ANKS1B: variants seen among roughly 807,000 people sequenced by gnomAD.
ANKS1B encodes the protein ankyrin repeat and sterile alpha motif domain-containing protein 1B.
ANKS1B carries 36 observed loss-of-function variants against 148.3 expected under a neutral mutation model. The observed-to-expected ratio is 0.24, with a 90% CI of 0.19 to 0.32. The LOEUF (loss-of-function observed/expected upper bound fraction) is 0.32. ANKS1B is among the 10% of genes least tolerant of loss of function. The pLI, the probability that ANKS1B is intolerant of heterozygous loss-of-function variation, is 1.00. For synonymous variants in ANKS1B, 542 were observed against 560.8 expected (o/e 0.97, Z 0.47); for missense variants, 1,157 against 1,542.6 (o/e 0.75, Z 4.19).
chr12:99,187,490 C>A (rs1214059240), intron 14 of ANKS1B, among the ~76,000 whole-genome samples: 1 of 152,212 alleles, frequency 6.6e-6, no homozygotes, highest in Non-Finnish European at 1.5e-5. Context: ...AACAACGTAT[C>A]TGTCTGCAGA....
chr12:99,514,161 C>T (rs1264751338), intron 9 of ANKS1B, among the ~76,000 whole-genome samples: 1 of 151,978 alleles, frequency 6.6e-6, no homozygotes, highest in East Asian at 1.9e-4. Flanking sequence ...TTTCTAAAGA[C>T]ATACTTATCT....
chr12:99,882,038 G>A (rs2092537922), intron 1 of ANKS1B, among the ~76,000 whole-genome samples: 1 of 152,116 alleles, frequency 6.6e-6, no homozygotes, highest in South Asian at 2.1e-4. Flanking sequence ...AAACACTCTT[G>A]AAATAAATAG....
At chr12:99,767,227 G>C (rs577462626) in intron 8 of ANKS1B, among the ~76,000 whole-genome samples, 229 of 151,992 alleles carry the variant, frequency 1.5e-3, no homozygotes, top group African/African-American at 5.4e-3. Flanking sequence ...TAACAGAAAA[G>C]AGGCATAGTT....
chr12:99,256,346 C>A (rs1234394685), intron 12 of ANKS1B, among the ~76,000 whole-genome samples: 1 of 151,736 alleles, frequency 6.6e-6, no homozygotes, highest in Non-Finnish European at 1.5e-5. Flanking sequence ...GAGCATTTTA[C>A]ATTCAATTAC....
At chr12:99,149,201 G>A (rs1315270491) in intron 15 of ANKS1B, among the ~76,000 whole-genome samples, 1 of 152,068 alleles carries the variant, frequency 6.6e-6, no homozygotes, top group Admixed American at 6.6e-5. Flanking sequence ...TGCAAATGAT[G>A]TTTTCATTAT....
At chr12:99,047,331 C>T (rs1461780165) in intron 17 of ANKS1B, among the ~76,000 whole-genome samples, 5 of 152,162 alleles carry the variant, frequency 3.3e-5, no homozygotes, top group South Asian at 2.1e-4. Flanking sequence ...ACCTGGGAGG[C>T]GGAGGTTGCA....
In ANKS1B at chr12:99,368,054, T is replaced by C. The variant is rs1003608623; in HGVS notation, c.1756+31577A>G. Among the ~76,000 whole-genome samples, 7 of 152,318 alleles carry C rather than the reference T, an allele frequency of 4.6e-5. No individual in the cohort carries two copies. The South Asian group carries it at 1.4e-3, about 32-fold the overall frequency. ...GTAATACGACTCGGAGAGAAAATTA[T>C]TTCAAGTGACTTTTGGCAAAGCATT... On this transcript the variant is annotated intron_variant, in intron 12 of 26. Transcript: ENST00000683438.
chr12:99,812,114 C>A, intron 3 of ANKS1B, 41 bp downstream of exon 3: 2 of 1,580,234 alleles, frequency 1.3e-6, no homozygotes, highest in Non-Finnish European at 1.7e-6. Flanking sequence ...CCTTGTAAAA[C>A]TAGAAAAATT....
At chr12:99,055,964 T>A (rs1465266669) in intron 16 of ANKS1B, among the ~76,000 whole-genome samples, 1 of 152,162 alleles carries the variant, frequency 6.6e-6, no homozygotes, top group Non-Finnish European at 1.5e-5. Context: ...ATTACTCCTG[T>A]AAGGCAAGTT....
intron 9 of ANKS1B, among the ~76,000 whole-genome samples, chr12:99,627,353 A>T (rs542884891): frequency 6.6e-6 from 1 of 152,346 alleles, no homozygotes; most frequent in East Asian, 1.9e-4. Flanking sequence ...TAGCTATAAT[A>T]AAGGCTAATG....
chr12:99,168,346 G>A (rs149607765), intron 14 of ANKS1B, among the ~76,000 whole-genome samples: 5,141 of 151,978 alleles, frequency 0.034, 106 homozygotes, highest in Non-Finnish European at 0.056. Context: ...GTGAAACCCC[G>A]TCTCTATTAA....
At chr12:99,860,517 C>T (rs2089879667) in intron 1 of ANKS1B, among the ~76,000 whole-genome samples, 1 of 152,152 alleles carries the variant, frequency 6.6e-6, no homozygotes, top group African/African-American at 2.4e-5. Flanking sequence ...AAGTAGTTGA[C>T]TGACATGATC....
At chr12:99,085,213 C>T (rs1203885289) in intron 15 of ANKS1B, among the ~76,000 whole-genome samples, 190 bp from the exon 16 acceptor site, 1 of 152,146 alleles carries the variant, frequency 6.6e-6, no homozygotes, top group Non-Finnish European at 1.5e-5. Flanking sequence ...TAGGAGAAAG[C>T]TCCCCTCCCC....
chr12:99,560,171 A>G (rs1357484347), intron 9 of ANKS1B, among the ~76,000 whole-genome samples: 10 of 151,958 alleles, frequency 6.6e-5, no homozygotes, highest in Non-Finnish European at 1.5e-5. Flanking sequence ...CTGAAGAGGA[A>G]TTGATCTCTA....
intron 9 of ANKS1B, among the ~76,000 whole-genome samples, chr12:99,641,436 T>C (rs2098303878): frequency 6.6e-6 from 1 of 152,204 alleles, no homozygotes; most frequent in Non-Finnish European, 1.5e-5. Context: ...TCATTTACAG[T>C]ACCTGGCACA....
Position 99,435,454 on chromosome 12 carries a change from T to C in ANKS1B, c.1575+8219A>G, listed in dbSNP as rs143071921. On this transcript the variant is annotated intron_variant, in intron 11 of 26. Coordinates refer to ENST00000683438, the MANE Select transcript of ANKS1B (RefSeq NM_001352186.2). ...CCACAGTTGCCATGATCAGAGCTACTTGGGGATGACACAGAGAGTTAGAAC... is the reference window on the plus strand; with the variant it reads ...CCACAGTTGCCATGATCAGAGCTACCTGGGGATGACACAGAGAGTTAGAAC... Among the ~76,000 whole-genome samples, 5 of 152,188 alleles carry C rather than the reference T, an allele frequency of 3.3e-5. No individual in the cohort carries two copies. In the East Asian group the frequency reaches 9.7e-4, roughly 29 times the overall value.
Position 99,779,772 on chromosome 12 carries a change from C to T in ANKS1B, c.847+99G>A, listed in dbSNP as rs764336818. 1.3e-4 allele frequency: 110 copies of T among 873,818 alleles called. 1 individual carries two copies. The highest frequency in any genetic ancestry group is 1.7e-4 in the Non-Finnish European group (94 of 546,730). The allele number at this position is 873,818 out of a possible 1,614,324, so 54.1% of individuals were successfully genotyped here. ...AAAAAATAAAACTAGTAAGTTTGTTCAAAAGTAAACACTAACTCAAAATCC... is the reference window on the plus strand; with the variant it reads ...AAAAAATAAAACTAGTAAGTTTGTTTAAAAGTAAACACTAACTCAAAATCC... On this transcript the variant is annotated intron_variant, in intron 6 of 26. Transcript: ENST00000683438.
intron 25 of ANKS1B, among the ~76,000 whole-genome samples, chr12:98,761,376 C>T (rs915654085): frequency 2.6e-5 from 4 of 152,180 alleles, no homozygotes; most frequent in African/African-American, 7.2e-5. Context: ...ATACTATTTT[C>T]GGAAGGGAAG....
chr12:98,794,975 C>A, intron 22 of ANKS1B: 1 of 1,051,728 alleles, frequency 9.5e-7, no homozygotes, highest in Non-Finnish European at 1.5e-6. Context: ...TCTTAAAAAT[C>A]TCTGTAACCA....
Sources: allele counts gnomAD v4.1 joint callset (sites outside exome capture counted in the v4.1 genomes callset), GRCh38; gene constraint gnomAD v4.1.1; transcripts MANE v1.5; gene names NCBI Gene and HGNC (gene_info 2026-07-23, HGNC 2026-07-21).